The following POLN variants were observed in gnomAD, a reference collection of about 807,000 sequenced individuals.
POLN encodes the protein DNA polymerase N.
Under a neutral mutation model 113.5 loss-of-function variants are expected in POLN, and 108 were observed. The observed-to-expected ratio is 0.95, with a 90% CI of 0.81 to 1.12. POLN has a LOEUF of 1.12. Ranked by LOEUF, POLN falls within the 50% of genes most tolerant of loss-of-function variation. POLN has a pLI of 0.00. For synonymous variants in POLN, 386 were observed against 391.5 expected, an observed-to-expected ratio of 0.99 and a Z score of 0.17; for missense variants, 1,097 against 1,077.1, an observed-to-expected ratio of 1.02 and a Z score of -0.26.
intron 3 of POLN, among the ~76,000 whole-genome samples, chr4:2,217,251 A>G (rs1734135882): frequency 6.6e-6 from 1 of 152,134 alleles, no homozygotes; most frequent in African/African-American, 2.4e-5. Context: ...GCACCACCCA[A>G]CGTTCTACCC....
intron 2 of POLN, among the ~76,000 whole-genome samples, chr4:2,239,367 C>T (rs1560106144): frequency 6.6e-6 from 1 of 152,130 alleles, no homozygotes; most frequent in Non-Finnish European, 1.5e-5. Flanking sequence ...ACTAGTTTTT[C>T]TTAAGTTAAA....
chr4:2,085,813 G>A, intron 20 of POLN, 69 bp from the exon 21 acceptor site: 1 of 1,593,288 alleles, frequency 6.3e-7, no homozygotes, highest in Non-Finnish European at 8.5e-7. Context: ...TGGGCTCAGT[G>A]AGTCAGGTCC....
chr4:2,125,802 G>A (rs1731563839), intron 19 of POLN, among the ~76,000 whole-genome samples: 1 of 152,168 alleles, frequency 6.6e-6, no homozygotes, highest in African/African-American at 2.4e-5. Context: ...GAGCTCAGTG[G>A]GGTGCAGGCA....
chr4:2,176,340 A>G lies in POLN; in HGVS notation c.1180-6T>C. 1 of 1,579,152 alleles carries G rather than the reference A, an allele frequency of 6.3e-7. No individual in the cohort carries two copies. Among genetic ancestry groups the G allele is most frequent in the Non-Finnish European group, 8.6e-7 (1 of 1,163,740 alleles). On this transcript the variant is annotated splice_polypyrimidine_tract_variant and splice_region_variant and intron_variant, in intron 8 of 25. Transcript: ENST00000511885. The stretch of plus-strand genomic sequence containing the variant: ...TTCTCACGTACATTCTGATTCTTTA[A>G]AAGAGCAAAAGTATTTTTAAAAATC...
At chr4:2,106,815 T>C (rs1013204937) in intron 19 of POLN, among the ~76,000 whole-genome samples, 1 of 152,224 alleles carries the variant, frequency 6.6e-6, no homozygotes. Context: ...TATATTTTAG[T>C]ATCTGGCAGG....
chr4:2,081,837 C>T (rs1730428920), intron 21 of POLN, 94 bp from the exon 22 acceptor site: 1 of 1,017,956 alleles, frequency 9.8e-7, no homozygotes, highest in Non-Finnish European at 1.5e-6. Flanking sequence ...CACAGAGGGA[C>T]AGCCGCACTG....
At position 2,126,672 on chromosome 4, in the gene POLN, G is replaced by A. The variant is rs1731589691; in HGVS notation, c.1982+1441C>T. On this transcript the variant is annotated intron_variant, in intron 19 of 25. Coordinates refer to ENST00000511885, the MANE Select transcript of POLN (RefSeq NM_181808.4). This position sits in a 1 kb window ranked among gnomAD's most constrained non-coding sequence, Gnocchi z 4.6. The stretch of plus-strand genomic sequence containing the variant: ...GCGCCGTGCCCAGCATCAGGGGAGG[G>A]TGGTCAGGGGAGGGCCCTGAGGAGA... Among the ~76,000 whole-genome samples, 8 of 152,282 alleles carry A rather than the reference G, an allele frequency of 5.3e-5. No individual in the cohort carries two copies. In the South Asian group the frequency reaches 1.7e-3, roughly 32 times the overall value.
chr4:2,161,788 C>A (rs1204095165), intron 13 of POLN, among the ~76,000 whole-genome samples: 1 of 152,192 alleles, frequency 6.6e-6, no homozygotes, highest in Non-Finnish European at 1.5e-5. Context: ...TGTAAATACA[C>A]CAATCGGCAC....
At chr4:2,225,961 C>A (rs1734376387) in intron 3 of POLN, among the ~76,000 whole-genome samples, 1 of 151,918 alleles carries the variant, frequency 6.6e-6, no homozygotes, top group African/African-American at 2.4e-5. Context: ...TGAACTCCAG[C>A]CTGGGCGACA....
chr4:2,079,431 G>C, intron 23 of POLN: 1 of 985,346 alleles, frequency 1.0e-6, no homozygotes, highest in South Asian at 4.7e-5. Context: ...AGGCTGCCTG[G>C]CATCAGTGTA....
At chr4:2,150,370 G>C (rs919947327) in intron 16 of POLN, among the ~76,000 whole-genome samples, 1 of 151,928 alleles carries the variant, frequency 6.6e-6, no homozygotes, top group Non-Finnish European at 1.5e-5. Flanking sequence ...GGATAAAAAA[G>C]GTTATTTTAT....
intron 19 of POLN, among the ~76,000 whole-genome samples, chr4:2,102,625 C>T (rs547911889): frequency 5.3e-5 from 8 of 152,260 alleles, no homozygotes; most frequent in African/African-American, 1.9e-4. Context: ...TGCCTGGAAC[C>T]GCCAATACAG....
rs377642893 is a variant in POLN at position 2,198,524 on chromosome 4, C to T, written c.908G>A (p.Arg303Gln). The change falls in exon 6 of 26, where the codon CGG (arginine) becomes CAG (glutamine). Residue 303 changes from arginine to glutamine, a missense_variant and splice_region_variant. Physicochemically the swap from Arg to Gln is conservative, Grantham distance 43. Transcript: ENST00000511885. The stretch of plus-strand genomic sequence containing the variant: ...GAGCCCATGTGTGAAGATTTCTTAC[C>T]GGGCAAATTGTTGATGTGCCTCCTG... Reference protein sequence around the residue: ...QEQEAHQQFARNVLFQTMKCK... With the variant: ...QEQEAHQQFAQNVLFQTMKCK... 1.3e-5 allele frequency: 21 copies of T among 1,604,678 alleles called. No homozygotes were observed. Among genetic ancestry groups the T allele is most frequent in the Admixed American group, 6.8e-5 (4 of 59,064 alleles).
At chr4:2,139,915 G>C (rs1731954841) in intron 16 of POLN, 2 of 152,178 alleles carry the variant, frequency 1.3e-5, no homozygotes, top group African/African-American at 4.8e-5. Flanking sequence ...GGGGGTGCAA[G>C]TCAGTGCCCT....
chr4:2,086,773 T>C (rs962606472), intron 20 of POLN, among the ~76,000 whole-genome samples: 1 of 152,138 alleles, frequency 6.6e-6, no homozygotes, highest in Non-Finnish European at 1.5e-5. Context: ...TGGGGGAGCA[T>C]GGCCGGGACC....
At chr4:2,082,780 G>A (rs956497279) in intron 21 of POLN, 2 of 152,256 alleles carry the variant, frequency 1.3e-5, no homozygotes, top group Non-Finnish European at 2.9e-5. Flanking sequence ...CTGCTGCTTT[G>A]TCGGTCTAGT....
chr4:2,240,157 T>C, intron 2 of POLN: 2 of 1,613,986 alleles, frequency 1.2e-6, no homozygotes, highest in Non-Finnish European at 1.7e-6. Flanking sequence ...AGCTGCAGTC[T>C]AGCCATCTCT....
chr4:2,218,944 T>C (rs1029599678), intron 3 of POLN, among the ~76,000 whole-genome samples: 7 of 152,154 alleles, frequency 4.6e-5, no homozygotes, highest in Admixed American at 3.3e-4. Context: ...CTGAATCCTG[T>C]AGGGGTTTAA....
chr4:2,111,793 A>G (rs2108712077), intron 19 of POLN, among the ~76,000 whole-genome samples: 1 of 152,362 alleles, frequency 6.6e-6, no homozygotes, highest in South Asian at 2.1e-4. Context: ...AAGAATCAAT[A>G]TCGTGAAAAT....
Sources: allele counts gnomAD v4.1 joint callset (sites outside exome capture counted in the v4.1 genomes callset), GRCh38; gene constraint gnomAD v4.1.1; non-coding constraint Gnocchi (gnomAD v3.1); transcripts MANE v1.5; gene names NCBI Gene and HGNC (gene_info 2026-07-23, HGNC 2026-07-21).